The following CHN2 variants were observed in gnomAD, a reference collection of about 807,000 sequenced individuals.
CHN2 encodes chimerin 2.
Under a neutral mutation model 56.3 loss-of-function variants are expected in CHN2, and 35 were observed. The ratio of observed to expected loss-of-function variants is 0.62; its 90% confidence interval spans 0.47 to 0.82. CHN2 has a LOEUF of 0.82. Ranked by LOEUF, CHN2 falls within the 40% of genes least tolerant of loss-of-function variation. The pLI is 0.00. For synonymous variants in CHN2, 210 were observed against 212.8 expected, an observed-to-expected ratio of 0.99 and a Z score of 0.12; for missense variants, 491 against 580.5, an observed-to-expected ratio of 0.85 and a Z score of 1.58.
At chr7:29,382,377 C>A (rs1403661538) in intron 3 of CHN2, among the ~76,000 whole-genome samples, 1 of 152,152 alleles carries the variant, frequency 6.6e-6, no homozygotes, top group Non-Finnish European at 1.5e-5. Context: ...AGTCTTCACT[C>A]TGGAGATTCA....
chr7:29,409,343 A>G (rs1802972083), intron 6 of CHN2, among the ~76,000 whole-genome samples: 1 of 152,206 alleles, frequency 6.6e-6, no homozygotes. Context: ...AAAATCTAAA[A>G]TATTTATTAA....
Position 29,381,809 on chromosome 7 carries a change from C to CAAAAAAAAAAAAAAAA in CHN2, c.145-11858_145-11843dup, listed in dbSNP as rs60652952. 1.1e-3 allele frequency among the ~76,000 whole-genome samples: 42 copies of CAAAAAAAAAAAAAAAA among 39,512 alleles called. 8 individuals carry two copies. The highest frequency in any genetic ancestry group is 3.6e-3 in the East Asian group (3 of 842). The allele number at this position is 39,512 out of a possible 152,430, so 25.9% of individuals were successfully genotyped here. ...AAAAGTCTATTCTCACTAAACTAAG[C>CAAAAAAAAAAAAAAAA]AAAAAAAAAAAAAAAAAAAAAAAAA... On this transcript the variant is annotated intron_variant, in intron 3 of 12. Coordinates refer to ENST00000222792, the MANE Select transcript of CHN2 (RefSeq NM_004067.4).
chr7:29,236,328 A>G (rs929976609), intron 1 of CHN2, among the ~76,000 whole-genome samples: 11 of 152,212 alleles, frequency 7.2e-5, no homozygotes, highest in African/African-American at 2.4e-4. Flanking sequence ...AAGTTCCCCT[A>G]TAGAGTAATT....
chr7:29,456,622 C>G (rs1035913808), intron 6 of CHN2, among the ~76,000 whole-genome samples: 2 of 146,238 alleles, frequency 1.4e-5, no homozygotes, highest in South Asian at 2.3e-4. Context: ...CCCTCCCCCC[C>G]ACCACCACCA....
chr7:29,309,127 G>A (rs1411429779), intron 1 of CHN2, among the ~76,000 whole-genome samples: 2 of 152,288 alleles, frequency 1.3e-5, no homozygotes, highest in South Asian at 2.1e-4. Flanking sequence ...AGAATAAATA[G>A]GTCATAGTCT....
At chr7:29,423,924 C>T (rs1469859722) in intron 6 of CHN2, among the ~76,000 whole-genome samples, 1 of 152,202 alleles carries the variant, frequency 6.6e-6, no homozygotes, top group Non-Finnish European at 1.5e-5. Flanking sequence ...TGGCGGCTAC[C>T]TCTCAGTGCC....
chr7:29,225,618 G>A (rs574592517), intron 1 of CHN2, among the ~76,000 whole-genome samples: 2 of 152,238 alleles, frequency 1.3e-5, no homozygotes, highest in African/African-American at 4.8e-5. Context: ...ATCGCTCTTC[G>A]TTTCCTATCC....
In CHN2 at chr7:29,415,687, T is replaced by C. The variant is rs561776830; in HGVS notation, c.576+14859T>C. On this transcript the variant is annotated intron_variant, in intron 6 of 12. Coordinates refer to ENST00000222792, the MANE Select transcript of CHN2 (RefSeq NM_004067.4). ...GGGCCACATAAAGTAGTCTCCAAAG[T>C]GTGGATCTTATGCCCAAATGGCTTA... Among the ~76,000 whole-genome samples, 9 of 152,106 alleles carry C rather than the reference T, an allele frequency of 5.9e-5. No individual in the cohort carries two copies. The South Asian group carries it at 1.9e-3, about 32-fold the overall frequency.
At chr7:29,185,447 T>C (rs1029343865) in intron 2 of CHN2, 4 of 152,338 alleles carry the variant, frequency 2.6e-5, no homozygotes, top group Middle Eastern at 3.4e-3. Context: ...AAGAATTTGA[T>C]TCCCTCTCTT....
chr7:29,164,798 A>C (rs1029012538), intron 2 of CHN2, among the ~76,000 whole-genome samples: 3 of 151,662 alleles, frequency 2.0e-5, no homozygotes, highest in Admixed American at 1.3e-4. Context: ...AAAAAAAAAA[A>C]AAACAAAGAT....
At chr7:29,480,720 A>G (rs1562642653) in intron 7 of CHN2, among the ~76,000 whole-genome samples, 1 of 152,234 alleles carries the variant, frequency 6.6e-6, no homozygotes, top group African/African-American at 2.4e-5. Context: ...TCAGTAAAGA[A>G]TATTGCTGTC....
At chr7:29,333,056 ACT>A (rs1279103878) in intron 1 of CHN2, 1 of 151,750 alleles carries the variant, frequency 6.6e-6, no homozygotes, top group Admixed American at 6.6e-5. Flanking sequence ...AAGCACCCAC[ACT>A]CTCTCCCTTC....
chr7:29,298,601 G>T (rs1216596320), intron 1 of CHN2, among the ~76,000 whole-genome samples: 1 of 152,130 alleles, frequency 6.6e-6, no homozygotes, highest in African/African-American at 2.4e-5. Context: ...GGAAACCTCC[G>T]AGTAATGGGC....
chr7:29,275,291 C>T (rs1791096711), intron 1 of CHN2, among the ~76,000 whole-genome samples: 2 of 152,144 alleles, frequency 1.3e-5, no homozygotes, highest in Admixed American at 1.3e-4. Context: ...ACTTGGTTTT[C>T]TCATCTGCAA....
At chr7:29,376,523 A>G (rs1009004259) in intron 3 of CHN2, 1 of 152,248 alleles carries the variant, frequency 6.6e-6, no homozygotes, top group Non-Finnish European at 1.5e-5. Flanking sequence ...GATGGGGCCC[A>G]GCAATCTGTG....
chr7:29,389,763 G>C (rs1418264349), intron 3 of CHN2, among the ~76,000 whole-genome samples: 1 of 152,060 alleles, frequency 6.6e-6, no homozygotes, highest in Non-Finnish European at 1.5e-5. Context: ...TTTTTAAAAA[G>C]AATCAGCCGG....
intron 1 of CHN2, among the ~76,000 whole-genome samples, chr7:29,316,672 T>G (rs1794974042): frequency 6.6e-6 from 1 of 152,238 alleles, no homozygotes; most frequent in African/African-American, 2.4e-5. Context: ...CTAGAGCTGC[T>G]GCCCCCAATG....
At chr7:29,281,665 C>G (rs986986868) in intron 1 of CHN2, among the ~76,000 whole-genome samples, 6 of 140,506 alleles carry the variant, frequency 4.3e-5, no homozygotes, top group African/African-American at 1.7e-4. Flanking sequence ...TCAACATATC[C>G]AAAGGATCCT....
chr7:29,442,934 C>CTTTTTTTTTTTTCTTTTTTTTTTTTT (rs1554294502), intron 6 of CHN2, among the ~76,000 whole-genome samples: 1 of 103,068 alleles, frequency 9.7e-6, no homozygotes, highest in Non-Finnish European at 1.8e-5. Flanking sequence ...CATTGAATTT[C>CTTTTTTTTTTTTCTTTTTTTTTTTTT]TTTTTTTTTT....
Sources: allele counts gnomAD v4.1 joint callset (sites outside exome capture counted in the v4.1 genomes callset), GRCh38; gene constraint gnomAD v4.1.1; transcripts MANE v1.5; gene names NCBI Gene and HGNC (gene_info 2026-07-23, HGNC 2026-07-21).